Variants in ADORA2B observed in about 807,000 individuals in gnomAD.
ADORA2B encodes the protein adenosine receptor A2b.
In ADORA2B, 18 loss-of-function variants were observed where a neutral mutation model predicts 20.8. The observed-to-expected ratio is 0.87, with a 90% CI of 0.60 to 1.29. ADORA2B has a LOEUF of 1.29. ADORA2B is among the 50% of genes most tolerant of loss of function. The probability of loss-of-function intolerance (pLI) is 0.00; values close to 1 mark genes in which losing one functional copy is unlikely to be tolerated. For synonymous variants in ADORA2B, 179 were observed against 178.3 expected (o/e 1.00, Z -0.03); for missense variants, 441 against 422.7 (o/e 1.04, Z -0.38).
the ADORA2B span, among the ~76,000 whole-genome samples, chr17:15,877,074 C>G: frequency 6.6e-6 from 1 of 152,314 alleles, no homozygotes; most frequent in East Asian, 1.9e-4. Context: ...TATAGCATGT[C>G]AGAATTTCAT....
upstream of ADORA2B, chr17:15,945,076 G>C: frequency 4.4e-6 from 2 of 457,058 alleles, no homozygotes; most frequent in Non-Finnish European, 3.4e-6. Flanking sequence ...CCTCTTGGCC[G>C]CGGGGGGCCC....
chr17:15,916,522 GGA>G, the ADORA2B span, among the ~76,000 whole-genome samples: 1 of 151,586 alleles, frequency 6.6e-6, no homozygotes, highest in Non-Finnish European at 1.5e-5. Context: ...AACTGAGCAA[GGA>G]GGGGGGGTAC....
At chr17:15,923,035 T>C in the ADORA2B span, among the ~76,000 whole-genome samples, 6,905 of 152,032 alleles carry the variant, frequency 0.045, 377 homozygotes, top group African/African-American at 0.13. Flanking sequence ...TTTTTTTCTT[T>C]TTTTTGAGAT....
chr17:15,956,437 T>C (rs139254729), intron 1 of ADORA2B, among the ~76,000 whole-genome samples: 565 of 152,298 alleles, frequency 3.7e-3, no homozygotes, highest in Non-Finnish European at 7.2e-3. Context: ...TTTGCTAGAC[T>C]GGAGCCTCTC....
the ADORA2B span, among the ~76,000 whole-genome samples, chr17:15,859,360 G>T: frequency 1.3e-5 from 2 of 151,108 alleles, no homozygotes; most frequent in African/African-American, 4.9e-5. Flanking sequence ...GGATTAATGG[G>T]CTGTTTTTGT....
the ADORA2B span, among the ~76,000 whole-genome samples, chr17:15,883,893 A>G: frequency 6.6e-6 from 1 of 152,256 alleles, no homozygotes; most frequent in Non-Finnish European, 1.5e-5. Flanking sequence ...TGAAGTAGGC[A>G]GTGGTGACGG....
At chr17:15,875,298 A>G in the ADORA2B span, among the ~76,000 whole-genome samples, 137 of 152,228 alleles carry the variant, frequency 9.0e-4, no homozygotes, top group Non-Finnish European at 1.8e-3. Flanking sequence ...TTACCTCTAC[A>G]TTGCTAAATA....
chr17:15,936,325 T>C, the ADORA2B span, among the ~76,000 whole-genome samples: 1 of 151,898 alleles, frequency 6.6e-6, no homozygotes, highest in Admixed American at 6.6e-5. Context: ...TTATTTTTAT[T>C]TTTATTTTTT....
chr17:15,959,366 G>A (rs2151601001), intron 1 of ADORA2B, among the ~76,000 whole-genome samples: 1 of 152,204 alleles, frequency 6.6e-6, no homozygotes, highest in South Asian at 2.1e-4. Flanking sequence ...TTGTTTCACA[G>A]CTTTTAAGTT....
chr17:15,934,726 A>G, the ADORA2B span, among the ~76,000 whole-genome samples: 4 of 152,266 alleles, frequency 2.6e-5, no homozygotes, highest in East Asian at 3.9e-4. Flanking sequence ...TCATACAAGT[A>G]ATGTCTTTAT....
At chr17:15,959,499 T>A (rs1172997084) in intron 1 of ADORA2B, among the ~76,000 whole-genome samples, 50 of 146,412 alleles carry the variant, frequency 3.4e-4, no homozygotes, top group Middle Eastern at 3.5e-3. Context: ...TTCTGATTTT[T>A]TTTTTTTTTT....
At chr17:15,927,834 A>G in the ADORA2B span, among the ~76,000 whole-genome samples, 1 of 152,294 alleles carries the variant, frequency 6.6e-6, no homozygotes, top group South Asian at 2.1e-4. Context: ...ACTCGGATCA[A>G]GAGTCAGGCG....
At chr17:15,873,677 A>G in the ADORA2B span, among the ~76,000 whole-genome samples, 2 of 152,322 alleles carry the variant, frequency 1.3e-5, no homozygotes, top group East Asian at 3.9e-4. Flanking sequence ...GAAATGCAAA[A>G]TAAAACCACA....
At chr17:15,887,819 C>T in the ADORA2B span, among the ~76,000 whole-genome samples, 14 of 121,564 alleles carry the variant, frequency 1.2e-4, 3 homozygotes, top group East Asian at 6.4e-4. Flanking sequence ...GGTTTGGTGG[C>T]GGGCGCCTGT....
the ADORA2B span, among the ~76,000 whole-genome samples, chr17:15,904,720 T>A: frequency 1.3e-5 from 2 of 152,324 alleles, no homozygotes; most frequent in Middle Eastern, 6.8e-3. Flanking sequence ...CATTTTGAAT[T>A]AATTTATTTT....
chr17:15,897,835 T>C, the ADORA2B span, among the ~76,000 whole-genome samples: 213 of 152,324 alleles, frequency 1.4e-3, no homozygotes, highest in African/African-American at 5.0e-3. Flanking sequence ...TTTCACTATT[T>C]CGCTATTGTA....
chr17:15,912,897 C>T, the ADORA2B span, among the ~76,000 whole-genome samples: 2 of 152,236 alleles, frequency 1.3e-5, no homozygotes, highest in Non-Finnish European at 2.9e-5. Flanking sequence ...TGTCTGAGCA[C>T]ACACACTTTA....
chr17:15,932,714 C>T, the ADORA2B span, among the ~76,000 whole-genome samples: 1 of 152,092 alleles, frequency 6.6e-6, no homozygotes, highest in Non-Finnish European at 1.5e-5. Context: ...TTCTTTCTCC[C>T]ATTAAATTGT....
intron 1 of ADORA2B, among the ~76,000 whole-genome samples, chr17:15,958,707 A>G (rs1340931760): frequency 1.3e-5 from 2 of 151,998 alleles, no homozygotes; most frequent in African/African-American, 4.8e-5. Flanking sequence ...GCCTGCGGTG[A>G]CCTTCTCTCT....
Sources: allele counts gnomAD v4.1 joint callset (sites outside exome capture counted in the v4.1 genomes callset), GRCh38; gene constraint gnomAD v4.1.1; transcripts MANE v1.5; gene names NCBI Gene and HGNC (gene_info 2026-07-23, HGNC 2026-07-21).